Variants in CRIM1 observed in about 807,000 individuals in gnomAD.
CRIM1 encodes the protein cysteine rich transmembrane BMP regulator 1, also known as cysteine-rich motor neuron 1 protein.
CRIM1 carries 32 observed loss-of-function variants against 116.4 expected under a neutral mutation model. The observed-to-expected ratio is 0.27, with a 90% CI of 0.21 to 0.37. CRIM1 has a LOEUF of 0.37. Among genes scored for constraint, CRIM1 ranks in the 10% least tolerant of loss-of-function variants. The pLI, the probability that CRIM1 is intolerant of heterozygous loss-of-function variation, is 1.00. For missense variants in CRIM1, 1,331 were observed against 1,354.8 expected, an observed-to-expected ratio of 0.98 and a Z score of 0.28; for synonymous variants, 590 against 509.2, an observed-to-expected ratio of 1.16 and a Z score of -2.13.
rs142952153 is a variant in CRIM1 at position 36,438,364 on chromosome 2, T to C, written c.506-2894T>C. ...AAAGTCACAAAGCTTTTCTTAATTA[T>C]AAAACAATGTGTTTGCCAGATAAGC... On this transcript the variant is annotated intron_variant, in intron 2 of 16. Transcript: ENST00000280527. Among the ~76,000 whole-genome samples, 17 of 152,324 alleles carry C rather than the reference T, an allele frequency of 1.1e-4. No individual in the cohort carries two copies. The East Asian group carries it at 2.9e-3, about 26-fold the overall frequency.
At chr2:36,542,087 A>G (rs1008805625) in intron 14 of CRIM1, among the ~76,000 whole-genome samples, 21 of 152,118 alleles carry the variant, frequency 1.4e-4, no homozygotes, top group East Asian at 5.8e-4. Context: ...TGTGATAAAG[A>G]AGGAGGTGTG....
chr2:36,506,179 TCTCACACACACA>T (rs750658682), intron 8 of CRIM1, among the ~76,000 whole-genome samples: 293 of 91,734 alleles, frequency 3.2e-3, no homozygotes, highest in East Asian at 0.021. Flanking sequence ...TCTCTCTCTC[TCTCACACACACA>T]CACACACACA....
At chr2:36,512,505 C>G in intron 10 of CRIM1, 111 bp downstream of exon 10, 1 of 1,195,882 alleles carries the variant, frequency 8.4e-7, no homozygotes, top group Non-Finnish European at 1.2e-6. Context: ...CCTATTCTAA[C>G]ACAAATGTCA....
intron 1 of CRIM1, among the ~76,000 whole-genome samples, chr2:36,366,641 C>T (rs903368188): frequency 6.6e-6 from 1 of 152,130 alleles, no homozygotes; most frequent in Non-Finnish European, 1.5e-5. Flanking sequence ...ACAAACATCT[C>T]AGATTCAAAA....
chr2:36,448,354 G>T (rs1010708861), intron 4 of CRIM1, among the ~76,000 whole-genome samples: 2 of 152,220 alleles, frequency 1.3e-5, no homozygotes, highest in Non-Finnish European at 2.9e-5. Flanking sequence ...GTGTCCACCA[G>T]CCCAGACCTC....
intron 1 of CRIM1, among the ~76,000 whole-genome samples, chr2:36,380,320 G>A (rs1670646340): frequency 1.3e-5 from 2 of 152,130 alleles, no homozygotes; most frequent in Non-Finnish European, 2.9e-5. Flanking sequence ...TGGTACTCTT[G>A]TGTCAGAGGG....
intron 4 of CRIM1, among the ~76,000 whole-genome samples, chr2:36,458,766 C>G (rs848536): frequency 6.6e-6 from 1 of 151,816 alleles, no homozygotes; most frequent in Non-Finnish European, 1.5e-5. Flanking sequence ...GCAGCAGTGA[C>G]GGGAATGGGA....
chr2:36,367,841 C>A (rs1669696467), intron 1 of CRIM1, among the ~76,000 whole-genome samples: 1 of 152,230 alleles, frequency 6.6e-6, no homozygotes, highest in Admixed American at 6.5e-5. Context: ...GTGGCTGAGT[C>A]TGGATTCAGG....
intron 5 of CRIM1, among the ~76,000 whole-genome samples, chr2:36,467,610 C>G (rs535049306): frequency 1.3e-5 from 2 of 152,188 alleles, no homozygotes; most frequent in East Asian, 1.9e-4. Context: ...AGAACAGATT[C>G]TATAAGATAG....
intron 2 of CRIM1, among the ~76,000 whole-genome samples, chr2:36,428,974 GAC>G (rs777900643): frequency 3.3e-5 from 5 of 152,212 alleles, no homozygotes; most frequent in Non-Finnish European, 7.3e-5. Flanking sequence ...GAGCATAAAT[GAC>G]AGTGCTCCTT....
chr2:36,431,283 TACAC>T (rs113271803), intron 2 of CRIM1, among the ~76,000 whole-genome samples: 100 of 152,356 alleles, frequency 6.6e-4, no homozygotes, highest in African/African-American at 2.4e-3. Flanking sequence ...TTTTTATACT[TACAC>T]ACTTTATATT....
intron 8 of CRIM1, among the ~76,000 whole-genome samples, chr2:36,501,555 C>CA (rs944012908): frequency 1.3e-3 from 201 of 150,210 alleles, no homozygotes; most frequent in African/African-American, 4.7e-3. Context: ...CCCATCTCTA[C>CA]AAAAAAAAAT....
intron 1 of CRIM1, among the ~76,000 whole-genome samples, chr2:36,390,945 G>T (rs1268307020): frequency 6.6e-6 from 1 of 151,720 alleles, no homozygotes. Context: ...AATTAGCTGG[G>T]ATTACAGGCA....
intron 2 of CRIM1, among the ~76,000 whole-genome samples, chr2:36,417,689 T>G (rs1358923463): frequency 6.6e-6 from 1 of 152,210 alleles, no homozygotes; most frequent in Non-Finnish European, 1.5e-5. Context: ...AAAGAAGGTT[T>G]AAATGCAGTG....
intron 2 of CRIM1, among the ~76,000 whole-genome samples, chr2:36,403,905 T>G (rs559918097): frequency 6.6e-6 from 1 of 152,072 alleles, no homozygotes; most frequent in African/African-American, 2.4e-5. Context: ...AGATCTGAGC[T>G]GGAGATAAGA....
chr2:36,512,358 C>G lies in CRIM1; in HGVS notation c.1744C>G (p.Gln582Glu), dbSNP rs773248935. ...CSKICPLGFQ[Q>E]DSHGCLICKC... Reference sequence around the variant, plus strand: ...TAAGATCTGCCCCTTGGGTTTCCAGCAGGACAGTCACGGCTGTCTTATCTG... The same window carrying G: ...TAAGATCTGCCCCTTGGGTTTCCAGGAGGACAGTCACGGCTGTCTTATCTG... Residue 582 changes from glutamine (Q) to glutamate (E), a missense_variant, in exon 10 of 17, where the codon CAG (glutamine) becomes GAG (glutamate). By Grantham distance (29) the Gln-to-Glu change is conservative. Transcript: ENST00000280527. 2 of 1,613,706 alleles carry G rather than the reference C, an allele frequency of 1.2e-6. No homozygotes were observed. Among genetic ancestry groups the G allele is most frequent in the South Asian group, 1.1e-5 (1 of 91,014 alleles).
chr2:36,544,782 G>C (rs1258827363), intron 15 of CRIM1, among the ~76,000 whole-genome samples: 24 of 152,160 alleles, frequency 1.6e-4, no homozygotes, highest in Admixed American at 1.5e-3. Flanking sequence ...AGTCATAAGA[G>C]CCTGGTATCT....
intron 4 of CRIM1, among the ~76,000 whole-genome samples, chr2:36,450,189 T>G (rs1676595245): frequency 6.6e-6 from 1 of 152,198 alleles, no homozygotes; most frequent in African/African-American, 2.4e-5. Flanking sequence ...TCAGCCTGCC[T>G]TGGTAAATGT....
chr2:36,521,561 T>A (rs1665392475), intron 12 of CRIM1, among the ~76,000 whole-genome samples: 1 of 152,220 alleles, frequency 6.6e-6, no homozygotes, highest in South Asian at 2.1e-4. Context: ...GTCAAGGCCT[T>A]TCTCTTCTGA....
Sources: gnomAD v4.1 joint callset for allele counts (sites outside exome capture counted in the v4.1 genomes callset) on GRCh38, gnomAD v4.1.1 for gene constraint, MANE v1.5 for transcripts, NCBI Gene and HGNC (gene_info 2026-07-23, HGNC 2026-07-21) for gene names.